PICALM: variants seen among roughly 807,000 people sequenced by gnomAD.
The protein encoded by PICALM is phosphatidylinositol binding clathrin assembly protein.
In PICALM, 40 loss-of-function variants were observed where a neutral mutation model predicts 80.5. That is an observed-to-expected ratio of 0.50 (90% CI 0.39 to 0.65). The LOEUF (loss-of-function observed/expected upper bound fraction) is 0.65, where lower values mean the gene tolerates loss of function less well. Ranked by LOEUF, PICALM falls within the 30% of genes least tolerant of loss-of-function variation. The probability of loss-of-function intolerance (pLI) is 0.00; values close to 1 mark genes in which losing one functional copy is unlikely to be tolerated. For synonymous variants in PICALM, 288 were observed against 260.3 expected (o/e 1.11, Z -1.02); for missense variants, 676 against 778.9 (o/e 0.87, Z 1.57).
At chr11:86,046,644 C>T (rs2096075480) in intron 1 of PICALM, among the ~76,000 whole-genome samples, 1 of 152,178 alleles carries the variant, frequency 6.6e-6, no homozygotes, top group Admixed American at 6.5e-5. Flanking sequence ...TCTTCATCAA[C>T]TGGGAAGTGT....
intron 1 of PICALM, 104 bp from the exon 2 acceptor site, chr11:86,031,715 G>T: frequency 1.3e-6 from 1 of 772,110 alleles, no homozygotes; most frequent in Non-Finnish European, 2.0e-6. Context: ...ACAAAGTGGA[G>T]CAGTAATAGT....
In PICALM at chr11:86,045,519, C is replaced by CAAAAAAAAAAAAAAAAAAAAAAA. The variant is rs71040207; in HGVS notation, c.131-13931_131-13909dup. Among the ~76,000 whole-genome samples, 3 of 47,770 alleles carry CAAAAAAAAAAAAAAAAAAAAAAA rather than the reference C, an allele frequency of 6.3e-5. 1 individual carries two copies. The highest frequency in any genetic ancestry group is 1.3e-4 in the Non-Finnish European group (3 of 22,406). The allele number at this position is 47,770 out of a possible 152,430, so 31.3% of individuals were successfully genotyped here. A position where few individuals can be genotyped will look rare whatever the true frequency, so the allele number is the denominator to read the frequency against. ...CATAGTGAGACCCTGTCTTGAAATTCAAAAAAAAAAAAAAAAAAAAAAAAA... is the reference window on the plus strand; with the variant it reads ...CATAGTGAGACCCTGTCTTGAAATTCAAAAAAAAAAAAAAAAAAAAAAAAAAAAAAAAAAAAAAAAAAAAAAAA... On this transcript the variant is annotated intron_variant, in intron 1 of 19. Coordinates refer to ENST00000393346, the MANE Select transcript of PICALM (RefSeq NM_007166.4).
intron 4 of PICALM, among the ~76,000 whole-genome samples, chr11:86,019,117 T>C (rs1161341259): frequency 7.9e-5 from 12 of 152,148 alleles, no homozygotes; most frequent in Admixed American, 2.6e-4. Context: ...TTAAATTTTA[T>C]TACTTTTGTA....
rs57062119 is a variant in PICALM at position 85,966,413 on chromosome 11, G to A, written c.1945-7353C>T. ...AGAATAAGGACAATTCAGGGAATAG[G>A]AACAATTTCCAAAAACAGGGCAACC... is the stretch of plus-strand genomic sequence containing the variant. On this transcript the variant is annotated intron_variant, in intron 19 of 19. Transcript: ENST00000393346. 7.7e-3 allele frequency among the ~76,000 whole-genome samples: 1,170 copies of A among 152,226 alleles called. 15 individuals are homozygous for A. The highest frequency in any genetic ancestry group is 0.027 in the African/African-American group (1,123 of 41,540).
intron 19 of PICALM, among the ~76,000 whole-genome samples, chr11:85,966,778 G>C (rs2093915476): frequency 6.6e-6 from 1 of 152,176 alleles, no homozygotes; most frequent in African/African-American, 2.4e-5. Context: ...CGTGGAGGTA[G>C]AGACCCATAG....
In PICALM at chr11:85,998,966, C is replaced by G. The variant is rs12576078; in HGVS notation, c.1154+1677G>C. Among the ~76,000 whole-genome samples the G allele has an allele frequency of 6.6e-5, 10 of 152,232 alleles. No individual in the cohort carries two copies. The East Asian group carries it at 1.7e-3, about 26-fold the overall frequency. On this transcript the variant is annotated intron_variant, in intron 11 of 19. Coordinates refer to ENST00000393346, the MANE Select transcript of PICALM (RefSeq NM_007166.4). ...ATATTCTCCAAAATAGAATGTTTTT[C>G]TTTTTAAATGGATATACAATAATTG...
intron 12 of PICALM, among the ~76,000 whole-genome samples, chr11:85,992,697 A>G (rs530416449): frequency 2.1e-4 from 32 of 152,306 alleles, no homozygotes; most frequent in Non-Finnish European, 4.1e-4. Context: ...AAAAGCCATG[A>G]AATACGTAAT....
At chr11:85,988,325 T>A (rs927867800) in intron 13 of PICALM, among the ~76,000 whole-genome samples, 2 of 152,168 alleles carry the variant, frequency 1.3e-5, no homozygotes, top group Non-Finnish European at 2.9e-5. Flanking sequence ...AACCACCAAG[T>A]GTTTAATTAA....
At chr11:86,052,152 T>C (rs958550368) in intron 1 of PICALM, among the ~76,000 whole-genome samples, 1 of 152,192 alleles carries the variant, frequency 6.6e-6, no homozygotes, top group African/African-American at 2.4e-5. Context: ...TAGCGACAGT[T>C]TCTCCCATGC....
intron 11 of PICALM, among the ~76,000 whole-genome samples, chr11:85,999,738 A>G (rs760946860): frequency 9.9e-5 from 15 of 152,250 alleles, no homozygotes; most frequent in Non-Finnish European, 1.5e-4. Context: ...TTTAAGGGTG[A>G]GTTAATAAAC....
chr11:86,045,069 T>C (rs1344948236), intron 1 of PICALM, among the ~76,000 whole-genome samples: 1 of 152,220 alleles, frequency 6.6e-6, no homozygotes, highest in East Asian at 1.9e-4. Context: ...CACCAAATAA[T>C]AACCTATCTA....
At chr11:86,024,237 G>A (rs10898429) in intron 3 of PICALM, among the ~76,000 whole-genome samples, 3,904 of 151,580 alleles carry the variant, frequency 0.026, 173 homozygotes, top group African/African-American at 0.089. Flanking sequence ...AAGTTAGAGC[G>A]CCGTAACTCT....
chr11:86,040,953 T>C (rs2095953271), intron 1 of PICALM, among the ~76,000 whole-genome samples: 1 of 152,194 alleles, frequency 6.6e-6, no homozygotes, highest in Non-Finnish European at 1.5e-5. Context: ...TACATTATGG[T>C]GATTGTAATC....
rs149605995 is a variant in PICALM, at chr11:86,006,992, G to A, written c.807+550C>T. ...GGTACTGTTGTATCTTCATTTTACA[G>A]ATGATGAAACTGAAGAATAGAAAGT... is the stretch of plus-strand genomic sequence containing the variant. On this transcript the variant is annotated intron_variant, in intron 8 of 19. Coordinates refer to ENST00000393346, the MANE Select transcript of PICALM (RefSeq NM_007166.4). Among the ~76,000 whole-genome samples the A allele has an allele frequency of 3.2e-3, 486 of 152,098 alleles. 3 individuals carry two copies. The highest frequency in any genetic ancestry group is 0.011 in the African/African-American group (461 of 41,476).
chr11:85,969,266 G>A (rs530899888), intron 19 of PICALM, among the ~76,000 whole-genome samples: 3 of 152,262 alleles, frequency 2.0e-5, no homozygotes, highest in African/African-American at 7.2e-5. Flanking sequence ...TCTCAAAAAT[G>A]TTAACTTGAT....
chr11:86,034,750 A>G (rs2095812642), intron 1 of PICALM, among the ~76,000 whole-genome samples: 1 of 152,228 alleles, frequency 6.6e-6, no homozygotes, highest in Non-Finnish European at 1.5e-5. Context: ...AAGGGGATGA[A>G]GACAATAGGC....
intron 19 of PICALM, among the ~76,000 whole-genome samples, chr11:85,967,387 G>A (rs935063992): frequency 6.6e-6 from 1 of 152,118 alleles, no homozygotes; most frequent in East Asian, 1.9e-4. Flanking sequence ...CTACCTTTTC[G>A]AGAATGTCCT....
intron 1 of PICALM, among the ~76,000 whole-genome samples, chr11:86,045,613 C>T (rs2096060766): frequency 6.7e-6 from 1 of 150,010 alleles, no homozygotes; most frequent in Non-Finnish European, 1.5e-5. Context: ...AATTTTACTT[C>T]CTGACAAATG....
chr11:86,060,811 T>C (rs12282655), intron 1 of PICALM, among the ~76,000 whole-genome samples: 29,059 of 150,292 alleles, frequency 0.19, 3,098 homozygotes, highest in Middle Eastern at 0.25. Flanking sequence ...CAGACCTAAA[T>C]GTAAAATGCA....
Sources: gnomAD v4.1 joint callset for allele counts (sites outside exome capture counted in the v4.1 genomes callset) on GRCh38, gnomAD v4.1.1 for gene constraint, MANE v1.5 for transcripts, NCBI Gene and HGNC (gene_info 2026-07-23, HGNC 2026-07-21) for gene names.